MTCL1: variants seen among roughly 807,000 people sequenced by gnomAD.
MTCL1 encodes the protein microtubule crosslinking factor 1.
A neutral mutation model predicts 141.4 loss-of-function variants in MTCL1; 79 were observed. The ratio of observed to expected loss-of-function variants is 0.56; its 90% CI spans 0.47 to 0.67. MTCL1 has a LOEUF of 0.67. MTCL1 is among the 30% of genes least tolerant of loss of function. The pLI, the probability that MTCL1 is intolerant of heterozygous loss-of-function variation, is 0.00. For synonymous variants in MTCL1, 914 were observed against 875.8 expected (o/e 1.04, Z -0.77); for missense variants, 2,177 against 2,113.9 (o/e 1.03, Z -0.59).
chr18:8,756,468 T>C, intron 4 of MTCL1, among the ~76,000 whole-genome samples: 1 of 138,634 alleles, frequency 7.2e-6, no homozygotes, highest in East Asian at 2.5e-4. Context: ...TATATGTGTA[T>C]ATGTGTGTAT....
rs1330879450 is a variant in MTCL1, at chr18:8,721,862, G to C, written c.357+1366G>C. Among the ~76,000 whole-genome samples, 3 of 152,320 alleles carry C rather than the reference G, an allele frequency of 2.0e-5. 1 individual carries two copies. In the Middle Eastern group the frequency reaches 0.01, roughly 518 times the overall value. The stretch of plus-strand genomic sequence containing the variant: ...GGACAGGGGCTTTGTCTGGCTCACT[G>C]TGGGGCCCTCATGCCTGGAACAGTG... On this transcript the variant is annotated intron_variant, in intron 4 of 16. Coordinates refer to ENST00000359865, the Ensembl canonical transcript of MTCL1.
At chr18:8,811,839 G>A (rs2076498135) in intron 11 of MTCL1, among the ~76,000 whole-genome samples, 1 of 152,156 alleles carries the variant, frequency 6.6e-6, no homozygotes. Flanking sequence ...TGTTAAAATT[G>A]TGCACTTAAT....
chr18:8,754,766 T>C (rs762802246), intron 4 of MTCL1, among the ~76,000 whole-genome samples: 3 of 152,228 alleles, frequency 2.0e-5, no homozygotes, highest in Non-Finnish European at 4.4e-5. Context: ...CTGTTTTATA[T>C]TCTCTCTTGT....
chr18:8,774,254 A>ATGTGTGTGTGTGTGTGTGTGTGTGTG (rs138724389), intron 4 of MTCL1, among the ~76,000 whole-genome samples: 2 of 150,018 alleles, frequency 1.3e-5, no homozygotes, highest in African/African-American at 4.9e-5. Flanking sequence ...CTCTTTTCGA[A>ATGTGTGTGTGTGTGTGTGTGTGTGTG]TGTGTGTGTG....
At chr18:8,761,769 C>G (rs771201552) in intron 4 of MTCL1, among the ~76,000 whole-genome samples, 1 of 152,114 alleles carries the variant, frequency 6.6e-6, no homozygotes, top group Non-Finnish European at 1.5e-5. Context: ...TTTATAAAAC[C>G]ATCACATTTC....
intron 12 of MTCL1, among the ~76,000 whole-genome samples, chr18:8,816,721 A>G (rs1204686323): frequency 6.6e-6 from 1 of 152,194 alleles, no homozygotes; most frequent in African/African-American, 2.4e-5. Flanking sequence ...ACCTGTTACA[A>G]AGTGGCCTTT....
At chr18:8,753,755 T>C (rs1471042631) in intron 4 of MTCL1, among the ~76,000 whole-genome samples, 2 of 152,176 alleles carry the variant, frequency 1.3e-5, no homozygotes, top group Non-Finnish European at 2.9e-5. Context: ...AACACGGTCC[T>C]GAGAAATAGT....
intron 8 of MTCL1, among the ~76,000 whole-genome samples, chr18:8,795,189 C>A (rs1369120153): frequency 1.3e-5 from 2 of 152,248 alleles, no homozygotes; most frequent in African/African-American, 4.8e-5. Context: ...GCCTCTGACT[C>A]TTCACTGGCC....
chr18:8,766,711 C>G (rs1049379982), intron 4 of MTCL1, among the ~76,000 whole-genome samples: 1 of 152,218 alleles, frequency 6.6e-6, no homozygotes, highest in African/African-American at 2.4e-5. Context: ...AATGCCTGCT[C>G]CCAGCTGTAG....
exon 17 of MTCL1, chr18:8,832,682 A>G (rs1441081668): frequency 2.0e-5 from 3 of 152,240 alleles, no homozygotes; most frequent in African/African-American, 7.2e-5. Context: ...AAAACACTAC[A>G]AAAAGTCACA....
At chr18:8,824,590 G>A in intron 14 of MTCL1, 109 bp from the exon 14 acceptor site, 2 of 841,886 alleles carry the variant, frequency 2.4e-6, no homozygotes, top group South Asian at 3.6e-5. Flanking sequence ...TGGTGTGGGT[G>A]GCAGCGGGTG....
At chr18:8,729,342 C>A (rs1408014083) in intron 4 of MTCL1, among the ~76,000 whole-genome samples, 1 of 151,856 alleles carries the variant, frequency 6.6e-6, no homozygotes, top group Non-Finnish European at 1.5e-5. Flanking sequence ...AGGCTTAAGG[C>A]CTGCCTGTTA....
At position 8,817,252 on chromosome 18, in the gene MTCL1, C is replaced by CTTTTTTT. The variant is rs35022661; in HGVS notation, c.2860-1696_2860-1690dup. Among the ~76,000 whole-genome samples, 4 of 118,234 alleles carry CTTTTTTT rather than the reference C, an allele frequency of 3.4e-5. 1 individual carries two copies. Among genetic ancestry groups the CTTTTTTT allele is most frequent in the Non-Finnish European group, 1.7e-5 (1 of 60,224 alleles). 77.6% of individuals were successfully genotyped at this position (118,234 alleles called of 152,430 possible). A position where few individuals can be genotyped will look rare whatever the true frequency, so the allele number is the denominator to read the frequency against. ...TAAATGAACATATAAAAAGCCTTCC[C>CTTTTTTT]TTTTTTTTTTTTTTTTTTTTTAAAG... On this transcript the variant is annotated intron_variant, in intron 12 of 16. Coordinates refer to ENST00000359865, the Ensembl canonical transcript of MTCL1.
At chr18:8,781,692 C>T (rs1171857949) in intron 5 of MTCL1, among the ~76,000 whole-genome samples, 1 of 151,982 alleles carries the variant, frequency 6.6e-6, no homozygotes, top group Non-Finnish European at 1.5e-5. Context: ...TTCATTTGAC[C>T]CTCACAACGA....
At chr18:8,785,506 G>A (rs1247031222) in intron 6 of MTCL1, among the ~76,000 whole-genome samples, 1 of 152,188 alleles carries the variant, frequency 6.6e-6, no homozygotes, top group Non-Finnish European at 1.5e-5. Flanking sequence ...CTGGGTGCAT[G>A]GCCCAGCTGC....
exon 6 of MTCL1, chr18:8,784,050 C>T (rs542821146): frequency 1.2e-5 from 19 of 1,613,358 alleles, no homozygotes; most frequent in Non-Finnish European, 1.5e-5. Context: ...AAGTTTGAGC[C>T]TCCCCGGGAG....
At chr18:8,766,488 G>A (rs1399482860) in intron 4 of MTCL1, among the ~76,000 whole-genome samples, 6 of 152,234 alleles carry the variant, frequency 3.9e-5, no homozygotes, top group African/African-American at 1.4e-4. Context: ...TTGAAAGGCT[G>A]CAGTGAAAAC....
In MTCL1 at chr18:8,756,095, C is replaced by T. The variant is rs946292184; in HGVS notation, c.358-21738C>T. Reference sequence around the variant, plus strand: ...GAGGCTACAGTGGGCCAAGATCGCACCACTGCACTCCAGCCTGGGAGACAG... The same window carrying T: ...GAGGCTACAGTGGGCCAAGATCGCATCACTGCACTCCAGCCTGGGAGACAG... On this transcript the variant is annotated intron_variant, in intron 4 of 16. Coordinates refer to ENST00000359865, the Ensembl canonical transcript of MTCL1. Among the ~76,000 whole-genome samples, 28 of 152,210 alleles carry T rather than the reference C, an allele frequency of 1.8e-4. 1 individual carries two copies. The highest frequency in any genetic ancestry group is 1.7e-3 in the Admixed American group (26 of 15,276).
intron 4 of MTCL1, among the ~76,000 whole-genome samples, chr18:8,774,243 ACT>A (rs1181012768): frequency 3.1e-5 from 4 of 127,886 alleles, no homozygotes; most frequent in East Asian, 5.6e-4. Context: ...ACATACACAC[ACT>A]CTTTTCGAAT....
Sources: gnomAD v4.1 joint callset for allele counts (sites outside exome capture counted in the v4.1 genomes callset) on GRCh38, gnomAD v4.1.1 for gene constraint, MANE v1.5 for transcripts, NCBI Gene and HGNC (gene_info 2026-07-23, HGNC 2026-07-21) for gene names.